The following CWH43 variants were observed in gnomAD, a reference collection of about 807,000 sequenced individuals.
CWH43 encodes the protein PGAP2-interacting protein.
In CWH43, 91 loss-of-function variants were observed where a neutral mutation model predicts 85.7. That is an observed-to-expected ratio of 1.06 (90% CI 0.90 to 1.26). The LOEUF (loss-of-function observed/expected upper bound fraction) is 1.26, where lower values mean the gene tolerates loss of function less well. CWH43 is among the 50% of genes most tolerant of loss of function. The pLI, the probability that CWH43 is intolerant of heterozygous loss-of-function variation, is 0.00. For synonymous variants in CWH43, 323 were observed against 293.6 expected (o/e 1.10, Z -1.02); for missense variants, 869 against 839.2 (o/e 1.04, Z -0.44).
intron 6 of CWH43, 74 bp downstream of exon 6, chr4:48,998,622 C>T (rs752833301): frequency 4.4e-5 from 46 of 1,054,612 alleles, no homozygotes; most frequent in Non-Finnish European, 6.1e-5. Context: ...ATGCGCAACT[C>T]GACTGAAAGT....
intron 9 of CWH43, among the ~76,000 whole-genome samples, chr4:49,027,601 ATGTTT>A (rs1783955794): frequency 6.6e-6 from 1 of 152,056 alleles, no homozygotes; most frequent in Non-Finnish European, 1.5e-5. Flanking sequence ...GGTGCATGGG[ATGTTT>A]TGATAAAGGC....
intron 9 of CWH43, among the ~76,000 whole-genome samples, chr4:49,026,895 T>A (rs1241382725): frequency 6.6e-6 from 1 of 152,222 alleles, no homozygotes; most frequent in Non-Finnish European, 1.5e-5. Context: ...TCCTTTTGGG[T>A]AGATCCCCAG....
At chr4:49,028,990 T>C (rs1209807453) in intron 10 of CWH43, among the ~76,000 whole-genome samples, 1 of 152,166 alleles carries the variant, frequency 6.6e-6, no homozygotes, top group East Asian at 1.9e-4. Context: ...TGAGTATCTT[T>C]AGGGGATTCA....
At chr4:49,061,767 G>T in intron 15 of CWH43, 45 bp from the exon 16 acceptor site, 10 of 1,260,544 alleles carry the variant, frequency 7.9e-6, no homozygotes, top group Non-Finnish European at 9.4e-6. Context: ...TTTCTGAATG[G>T]TTTTTACATG....
chr4:48,986,596 T>G (rs1336455381), intron 1 of CWH43, 124 bp downstream of exon 1: 1 of 1,498,300 alleles, frequency 6.7e-7, no homozygotes, highest in Non-Finnish European at 8.9e-7. Context: ...GTGCCCAGAG[T>G]GGAGATGCTT....
chr4:49,041,558 T>A (rs1357996491), intron 13 of CWH43, among the ~76,000 whole-genome samples: 1 of 152,228 alleles, frequency 6.6e-6, no homozygotes, highest in Non-Finnish European at 1.5e-5. Flanking sequence ...CTATTATTGG[T>A]GTATAAGAAT....
chr4:49,039,808 A>T (rs1262144010), intron 13 of CWH43, among the ~76,000 whole-genome samples: 1 of 151,864 alleles, frequency 6.6e-6, no homozygotes, highest in African/African-American at 2.4e-5. Flanking sequence ...GGTTTGTTAC[A>T]TATGTATACA....
intron 8 of CWH43, among the ~76,000 whole-genome samples, chr4:49,013,365 G>A (rs1422790930): frequency 3.3e-5 from 5 of 152,248 alleles, no homozygotes; most frequent in Non-Finnish European, 7.3e-5. Flanking sequence ...GTATTTTGGC[G>A]GGAGTGTCCT....
intron 13 of CWH43, among the ~76,000 whole-genome samples, chr4:49,039,609 T>C (rs2109821631): frequency 6.6e-6 from 1 of 151,428 alleles, no homozygotes; most frequent in East Asian, 2.0e-4. Context: ...TTGATTTTAC[T>C]ACTTTAACTC....
intron 13 of CWH43, among the ~76,000 whole-genome samples, chr4:49,044,248 G>C (rs370071073): frequency 2.6e-5 from 4 of 152,146 alleles, no homozygotes; most frequent in East Asian, 1.9e-4. Context: ...TTGCTCCCCA[G>C]ATGTTCTTAT....
intron 9 of CWH43, among the ~76,000 whole-genome samples, chr4:49,017,544 G>T (rs1783593028): frequency 6.6e-6 from 1 of 152,236 alleles, no homozygotes; most frequent in South Asian, 2.1e-4. Context: ...GAGGCAAATT[G>T]TTGATGATTT....
At chr4:49,058,938 G>C (rs1212669617) in intron 15 of CWH43, among the ~76,000 whole-genome samples, 1 of 152,006 alleles carries the variant, frequency 6.6e-6, no homozygotes, top group Non-Finnish European at 1.5e-5. Flanking sequence ...AATGTGTCTT[G>C]GTAGCACTCT....
chr4:49,045,865 CTTTGTTGTAAGAATATTCA>C (rs1784607988), intron 14 of CWH43, among the ~76,000 whole-genome samples: 1 of 151,994 alleles, frequency 6.6e-6, no homozygotes, highest in Admixed American at 6.6e-5. Flanking sequence ...TTTATCATTT[CTTTGTTGTAAGAATATTCA>C]AAATCCTCTT....
chr4:49,017,234 C>CT lies in CWH43; in HGVS notation c.1187-9dup. 6.3e-7 allele frequency: 1 copy of CT among 1,594,086 alleles called. No homozygotes were observed. Among genetic ancestry groups the CT allele is most frequent in the Non-Finnish European group, 8.5e-7 (1 of 1,170,980 alleles). ...TTATTTTAAAAAAACCCAATTATTT[C>CT]TTTTTTCTGTTTAGTTCTGTGGCTG... On this transcript the variant is annotated splice_polypyrimidine_tract_variant and intron_variant, in intron 8 of 15. Transcript: ENST00000226432.
chr4:49,027,152 T>G (rs1195598011), intron 9 of CWH43, among the ~76,000 whole-genome samples: 1 of 152,224 alleles, frequency 6.6e-6, no homozygotes, highest in Non-Finnish European at 1.5e-5. Flanking sequence ...TGAGGCTTCT[T>G]CAGCTGTCTC....
In CWH43 at chr4:49,005,996, T is replaced by C. The variant is rs184749108; in HGVS notation, c.1061-1205T>C. On this transcript the variant is annotated intron_variant, in intron 7 of 15. Coordinates refer to ENST00000226432, the MANE Select transcript of CWH43 (RefSeq NM_025087.3). ...GAATTAACTTGGAGAATTTGGTATT[T>C]CTGGTAAATACTCAAGCTTTCATCT... 9.2e-5 allele frequency among the ~76,000 whole-genome samples: 14 copies of C among 152,364 alleles called. No homozygotes were observed. In the East Asian group the frequency reaches 2.7e-3, roughly 29 times the overall value.
intron 8 of CWH43, among the ~76,000 whole-genome samples, chr4:49,016,041 G>GAA (rs1004553468): frequency 6.6e-6 from 1 of 152,044 alleles, no homozygotes; most frequent in Admixed American, 6.6e-5. Flanking sequence ...CCTGCTCATG[G>GAA]AAACTTGTTT....
intron 9 of CWH43, among the ~76,000 whole-genome samples, chr4:49,018,636 A>G (rs1459486349): frequency 6.6e-6 from 1 of 152,174 alleles, no homozygotes; most frequent in African/African-American, 2.4e-5. Context: ...TAAGTAATTG[A>G]ATGTTGTGCT....
chr4:49,024,580 A>G (rs1783845227), intron 9 of CWH43, among the ~76,000 whole-genome samples: 1 of 152,100 alleles, frequency 6.6e-6, no homozygotes, highest in Non-Finnish European at 1.5e-5. Context: ...TTTGTCTGTT[A>G]ATGACTGTAT....
Sources: gnomAD v4.1 joint callset for allele counts (sites outside exome capture counted in the v4.1 genomes callset) on GRCh38, gnomAD v4.1.1 for gene constraint, MANE v1.5 for transcripts, NCBI Gene and HGNC (gene_info 2026-07-23, HGNC 2026-07-21) for gene names.